Variants in C2 observed in about 807,000 individuals in gnomAD.
The protein encoded by C2 is complement C2.
In C2, 64 loss-of-function variants were observed where a neutral mutation model predicts 85.2. The observed-to-expected ratio is 0.75, with a 90% CI of 0.61 to 0.92. The LOEUF is 0.92. C2 is among the 40% of genes least tolerant of loss of function. C2 has a pLI of 0.00. For missense variants in C2, 820 were observed against 971.6 expected (o/e 0.84, Z 2.07); for synonymous variants, 311 against 370.8 (o/e 0.84, Z 1.85).
chr6:31,941,967 G>A (rs930571869), intron 9 of C2, among the ~76,000 whole-genome samples: 4 of 151,750 alleles, frequency 2.6e-5, no homozygotes, highest in Admixed American at 2.6e-4. Context: ...ACAGGTGTGT[G>A]CCAGCATGTC....
At chr6:31,914,979 T>G (rs1582035063) in intron 1 of C2, among the ~76,000 whole-genome samples, 1 of 152,146 alleles carries the variant, frequency 6.6e-6, no homozygotes, top group East Asian at 1.9e-4. Context: ...GACACCCAGG[T>G]GTTCTGAGAG....
chr6:31,928,120 A>G lies in C2; in HGVS notation c.212A>G (p.Gln71Arg). Residue 71 changes from glutamine (Q) to arginine (R), a missense_variant, in exon 2 of 18, where the codon CAG becomes CGG. Coordinates refer to ENST00000299367, the MANE Select transcript of C2 (RefSeq NM_000063.6). Reference sequence around the variant, plus strand: ...CTGTGCAAGAGCAGCGGACAGTGGCAGACCCCAGGAGCCACCCGGTCTCTG... The same window carrying G: ...CTGTGCAAGAGCAGCGGACAGTGGCGGACCCCAGGAGCCACCCGGTCTCTG... ...SRLCKSSGQW[Q>R]TPGATRSLSK... The G allele has an allele frequency of 6.2e-7, 1 of 1,613,410 alleles. No homozygotes were observed.
chr6:31,904,847 T>G lies in C2; in HGVS notation c.73+3708T>G, dbSNP rs1193764720. ...GCCCATGGCTCAAGACAGGTAGTCC[T>G]TGGTGGCAGGTGGAGTTGACAGCCA... is the stretch of plus-strand genomic sequence containing the variant. On this transcript the variant is annotated intron_variant, in intron 1 of 3. Transcript: ENST00000452202. The surrounding 1 kb of genome is among the most constrained non-coding windows in gnomAD (Gnocchi z 4.4). 6.6e-6 allele frequency among the ~76,000 whole-genome samples: 1 copy of G among 152,040 alleles called. No homozygotes were observed. Among genetic ancestry groups the G allele is most frequent in the Non-Finnish European group, 1.5e-5 (1 of 68,034 alleles).
Position 31,911,077 on chromosome 6 carries a change from T to A in C2, c.73+9938T>A, listed in dbSNP as rs555236936. Among the ~76,000 whole-genome samples the A allele has an allele frequency of 1.6e-4, 24 of 152,184 alleles. No individual in the cohort carries two copies. In the South Asian group the frequency reaches 3.1e-3, roughly 20 times the overall value. ...ACTTTGGGAGACCAAAGCGGGTGGA[T>A]CACCTGAAGTCAGGAGTTCGAGACC... On this transcript the variant is annotated intron_variant, in intron 1 of 3. Coordinates refer to the C2 transcript ENST00000452202.
rs1769468981 is a variant in C2, at chr6:31,928,714, C to T, written c.257-18C>T. ...TCCATCCAGTCCTATATTCCCCACCCACTTCCTCTCTCTCCAGCTGTGCGC... is the reference window on the plus strand; with the variant it reads ...TCCATCCAGTCCTATATTCCCCACCTACTTCCTCTCTCTCCAGCTGTGCGC... On this transcript the variant is annotated intron_variant, in intron 2 of 17. Coordinates refer to ENST00000299367, the MANE Select transcript of C2 (RefSeq NM_000063.6). 6.2e-7 allele frequency: 1 copy of T among 1,613,970 alleles called. No homozygotes were observed. The highest frequency in any genetic ancestry group is 8.5e-7 in the Non-Finnish European group (1 of 1,179,796).
chr6:31,923,960 C>T (rs917048191), upstream of C2, among the ~76,000 whole-genome samples: 6 of 151,046 alleles, frequency 4.0e-5, no homozygotes, highest in African/African-American at 1.5e-4. Context: ...CCACCGCGCC[C>T]GGCTAATTAT....
chr6:31,900,876 C>T (rs1767187135), upstream of C2: 1 of 1,613,800 alleles, frequency 6.2e-7, no homozygotes, highest in Non-Finnish European at 8.5e-7. This position sits in a 1 kb window ranked among gnomAD's most constrained non-coding sequence, Gnocchi z 9.7. Context: ...ATGCTGCTCA[C>T]AAGGCTAGCC....
chr6:31,930,362 G>A (rs1769639484), intron 3 of C2, among the ~76,000 whole-genome samples: 2 of 152,244 alleles, frequency 1.3e-5, no homozygotes, highest in African/African-American at 4.8e-5. Flanking sequence ...GATTACAGGC[G>A]TGAGCCACGG....
At chr6:31,899,915 C>A (rs374649189), upstream of C2, 38 of 1,563,744 alleles carry the variant, frequency 2.4e-5, no homozygotes, top group Non-Finnish European at 3.2e-5. Flanking sequence ...CTGGCCTCCA[C>A]GCCTGCGCGG....
At chr6:31,932,066 C>T (rs1422992908) in intron 3 of C2, among the ~76,000 whole-genome samples, 6 of 131,646 alleles carry the variant, frequency 4.6e-5, no homozygotes, top group Non-Finnish European at 6.6e-5. Flanking sequence ...CAGGGGCGGC[C>T]GGGCAGAGGC....
chr6:31,901,850 G>C (rs1284296957), intron 1 of C2: 6 of 147,692 alleles, frequency 4.1e-5, no homozygotes, highest in Non-Finnish European at 1.5e-5. Flanking sequence ...GCCCGGTTCC[G>C]CGCGCTGTTT....
intron 9 of C2, 53 bp from the exon 10 acceptor site, chr6:31,942,906 A>C: frequency 6.2e-7 from 1 of 1,609,968 alleles, no homozygotes; most frequent in Non-Finnish European, 8.5e-7. Context: ...CTCCTGTCTC[A>C]TGGGGTAGCC....
At chr6:31,918,030 C>T (rs551236872), upstream of C2, among the ~76,000 whole-genome samples, 2 of 152,242 alleles carry the variant, frequency 1.3e-5, no homozygotes, top group Middle Eastern at 3.4e-3. Flanking sequence ...GAATTCCCAG[C>T]ACTTTGGGAG....
intron 3 of C2, among the ~76,000 whole-genome samples, chr6:31,933,238 A>G (rs551656115): frequency 7.2e-5 from 11 of 152,360 alleles, no homozygotes; most frequent in Non-Finnish European, 1.0e-4. Context: ...GAATTGTCAC[A>G]TCACAGGCTG....
intron 3 of C2, among the ~76,000 whole-genome samples, chr6:31,932,143 C>T (rs28666762): frequency 8.4e-5 from 11 of 131,582 alleles, no homozygotes; most frequent in African/African-American, 2.7e-4. Flanking sequence ...CCCTCCCGGA[C>T]GGGGCGGCTG....
upstream of C2, chr6:31,927,412 T>C (rs138564270): frequency 1.8e-6 from 2 of 1,097,626 alleles, no homozygotes; most frequent in African/African-American, 3.2e-5. This position sits in a 1 kb window ranked among gnomAD's most constrained non-coding sequence, Gnocchi z 4.7. Context: ...CGAGCCCAAA[T>C]ATGTGTTTGC....
chr6:31,905,441 A>G (rs1299294406), intron 1 of C2, among the ~76,000 whole-genome samples: 2 of 10,612 alleles, frequency 1.9e-4, no homozygotes, highest in Non-Finnish European at 2.7e-4. Context: ...CTGTCTTTTA[A>G]AAAAAAAATT....
chr6:31,900,463 A>C (rs747646250), upstream of C2: 3 of 1,591,574 alleles, frequency 1.9e-6, no homozygotes, highest in Admixed American at 3.5e-5. This position sits in a 1 kb window ranked among gnomAD's most constrained non-coding sequence, Gnocchi z 9.7. Context: ...GGCCTCCGGG[A>C]ATCAACAGCA....
intron 1 of C2, among the ~76,000 whole-genome samples, chr6:31,905,487 C>G (rs944058766): frequency 2.0e-5 from 3 of 148,564 alleles, no homozygotes; most frequent in African/African-American, 5.0e-5. Flanking sequence ...AAAATCTGGG[C>G]TGGGCACTGT....
Sources: allele counts gnomAD v4.1 joint callset (sites outside exome capture counted in the v4.1 genomes callset), GRCh38; gene constraint gnomAD v4.1.1; non-coding constraint Gnocchi (gnomAD v3.1); transcripts MANE v1.5; gene names NCBI Gene and HGNC (gene_info 2026-07-23, HGNC 2026-07-21).